ITPR3: variants seen among roughly 807,000 people sequenced by gnomAD.
ITPR3 encodes the protein inositol 1,4,5-trisphosphate-gated calcium channel ITPR3.
In ITPR3, 173 loss-of-function variants were observed where a neutral mutation model predicts 293.2. The observed-to-expected ratio is 0.59, with a 90% CI of 0.52 to 0.67. The LOEUF is 0.67. Ranked by LOEUF, ITPR3 falls within the 30% of genes least tolerant of loss-of-function variation. The pLI is 0.00. For synonymous variants in ITPR3, 1,295 were observed against 1,444.4 expected (o/e 0.90, Z 2.35); for missense variants, 2,796 against 3,592.1 (o/e 0.78, Z 5.66).
rs1042794444 is a variant in ITPR3, at chr6:33,688,493, A to G, written c.6568+62A>G. 2.0e-6 allele frequency: 3 copies of G among 1,499,478 alleles called. No individual in the cohort carries two copies. The African/African-American group carries it at 4.1e-5, about 21-fold the overall frequency. The allele number at this position is 1,499,478 out of a possible 1,614,324, so 92.9% of individuals were successfully genotyped here. ...AGCTGTTCACTGATGCCCTGTTATA[A>G]CGGCCTCCTTTGCCTGCCTGTGGGT... On this transcript the variant is annotated intron_variant, in intron 48 of 57. Transcript: ENST00000605930.
Position 33,672,146 on chromosome 6 carries a change from A to G in ITPR3, c.2846A>G (p.Glu949Gly), listed in dbSNP as rs1350715609. 6.2e-7 allele frequency: 1 copy of G among 1,613,928 alleles called. No homozygotes were observed. Among genetic ancestry groups the G allele is most frequent in the East Asian group, 2.2e-5 (1 of 44,872 alleles). ...CTGTCTGCTGGGGCCAGTGCTGCTG[A>G]GCCGCTGGACAGAAGCAAGTTTGAG... ...PSLSAGASAAEPLDRSKFEEN... is the reference protein window; with the variant it reads ...PSLSAGASAAGPLDRSKFEEN... Residue 949 changes from glutamate (E) to glycine (G), a missense_variant, in exon 22 of 58, where the codon GAG (glutamate) becomes GGG (glycine). By Grantham distance (98) the Glu-to-Gly change is moderately conservative (BLOSUM62 -2). Around this residue, in one of 8 missense-constraint regions of ITPR3, gnomAD observed 955 missense variants for 1,180.8 expected, o/e 0.81. Transcript: ENST00000605930. This position sits in a 1 kb window ranked among gnomAD's most constrained non-coding sequence, Gnocchi z 5.0.
intron 30 of ITPR3, 110 bp downstream of exon 30, chr6:33,678,949 A>G: frequency 9.1e-7 from 1 of 1,094,854 alleles, no homozygotes; most frequent in East Asian, 2.6e-5. Context: ...TCACAAAAGG[A>G]ACACTCAGCT....
chr6:33,692,027 A>C lies in ITPR3; in HGVS notation c.7458+99A>C. ...GTCCTTGGCCTCGCGTCAGATATTC[A>C]GGGTTGAACCCCCTCCCCCGAACTT... On this transcript the variant is annotated intron_variant, in intron 54 of 57. Coordinates refer to ENST00000605930, the MANE Select transcript of ITPR3 (RefSeq NM_002224.4). The surrounding 1 kb of genome is among the most constrained non-coding windows in gnomAD (Gnocchi z 4.2). The C allele has an allele frequency of 6.6e-7, 1 of 1,505,084 alleles. No individual in the cohort carries two copies. Among genetic ancestry groups the C allele is most frequent in the South Asian group, 1.1e-5 (1 of 87,520 alleles). The allele number at this position is 1,505,084 out of a possible 1,614,324, so 93.2% of individuals were successfully genotyped here.
At position 33,695,905 on chromosome 6, in the gene ITPR3, A is replaced by G; in HGVS notation, c.*125A>G. The stretch of plus-strand genomic sequence containing the variant: ...GGCCAGCCTCCACTCCCACTCTGCC[A>G]GACACCCTGACACCCACCCAGGCTT... On this transcript the variant is annotated 3_prime_UTR_variant, in exon 58 of 58. Coordinates refer to ENST00000605930, the MANE Select transcript of ITPR3 (RefSeq NM_002224.4). 1.2e-6 allele frequency: 1 copy of G among 844,926 alleles called. No homozygotes were observed. The highest frequency in any genetic ancestry group is 2.6e-5 in the East Asian group (1 of 38,296). 52.3% of individuals were successfully genotyped at this position (844,926 alleles called of 1,614,324 possible).
chr6:33,673,078 A>G (rs1224257825), intron 22 of ITPR3, among the ~76,000 whole-genome samples: 1 of 152,172 alleles, frequency 6.6e-6, no homozygotes, highest in Non-Finnish European at 1.5e-5. Flanking sequence ...CCAAAGGCTC[A>G]GTGCCCCATG....
At position 33,691,807 on chromosome 6, in the gene ITPR3, G is replaced by A. The variant is rs146607771; in HGVS notation, c.7337G>A (p.Arg2446Lys). Reference sequence around the variant, plus strand: ...GCACACTCTCCGCTTGCAGAGGACAGGGAGCTGGACAGCACAGAGCGGGCC... The same window carrying A: ...GCACACTCTCCGCTTGCAGAGGACAAGGAGCTGGACAGCACAGAGCGGGCC... ...LSVPEVLEED[R>K]ELDSTERACD... The change falls in exon 54 of 58, where the codon AGG (arginine) becomes AAG (lysine). Residue 2446 changes from arginine (R) to lysine (K), a missense_variant. Transcript: ENST00000605930. This position sits in a 1 kb window ranked among gnomAD's most constrained non-coding sequence, Gnocchi z 4.9. 82 of 1,614,138 alleles carry A rather than the reference G, an allele frequency of 5.1e-5. No homozygotes were observed. In the African/African-American group the frequency reaches 8.9e-4, roughly 18 times the overall value.
intron 1 of ITPR3, among the ~76,000 whole-genome samples, chr6:33,634,240 A>G (rs937906344): frequency 1.1e-4 from 16 of 151,772 alleles, no homozygotes; most frequent in Admixed American, 9.8e-4. Flanking sequence ...TTCTTTATCT[A>G]CACACACCAG....
In ITPR3 at chr6:33,679,212, G is replaced by C. The variant is rs932833234; in HGVS notation, c.3972+373G>C. On this transcript the variant is annotated intron_variant, in intron 30 of 57. Transcript: ENST00000605930. This position sits in a 1 kb window ranked among gnomAD's most constrained non-coding sequence, Gnocchi z 4.2. ...CATCAGCTGAGTGTCAGCTCCTGGG[G>C]GGCACGGGCAGGGACCCCATCCTTT... is the stretch of plus-strand genomic sequence containing the variant. 2.6e-5 allele frequency among the ~76,000 whole-genome samples: 4 copies of C among 152,180 alleles called. No homozygotes were observed. The highest frequency in any genetic ancestry group is 7.2e-5 in the African/African-American group (3 of 41,424).
At position 33,668,642 on chromosome 6, in the gene ITPR3, C is replaced by T. The variant is rs1232479050; in HGVS notation, c.2006+8C>T. 1 of 1,614,154 alleles carries T rather than the reference C, an allele frequency of 6.2e-7. No homozygotes were observed. Among genetic ancestry groups the T allele is most frequent in the South Asian group, 1.1e-5 (1 of 91,068 alleles). ...CATTCTCATCCGGACCGAGTGAGCC[C>T]TGTGCCCCCTGCCCGCACTTGGGCT... On this transcript the variant is annotated splice_region_variant and intron_variant, in intron 17 of 57. Coordinates refer to ENST00000605930, the MANE Select transcript of ITPR3 (RefSeq NM_002224.4).
chr6:33,664,675 G>T lies in ITPR3; in HGVS notation c.1149-195G>T, dbSNP rs1035276946. Among the ~76,000 whole-genome samples, 7 of 152,176 alleles carry T rather than the reference G, an allele frequency of 4.6e-5. No homozygotes were observed. Among genetic ancestry groups the T allele is most frequent in the Non-Finnish European group, 1.0e-4 (7 of 68,028 alleles). ...GCAGTGGTCAGGACGGGGCCTGGGC[G>T]CAGGGCTAGCTCTGGCTGTTCTTAT... On this transcript the variant is annotated intron_variant, in intron 11 of 57. Transcript: ENST00000605930. This position sits in a 1 kb window ranked among gnomAD's most constrained non-coding sequence, Gnocchi z 4.4.
At chr6:33,671,017 C>G in intron 20 of ITPR3, 148 bp from the exon 21 acceptor site, 1 of 1,401,018 alleles carries the variant, frequency 7.1e-7, no homozygotes, top group Non-Finnish European at 9.7e-7. Flanking sequence ...AAAGGGCTGC[C>G]TCTCCCTGCT....
In ITPR3 at chr6:33,687,443, C is replaced by T. The variant is rs762762665; in HGVS notation, c.6178-35C>T. ...CCCCAGCCACCATGTCCCCCAGCCA[C>T]CACACCCTGGTGACTGTGCTGCCAT... On this transcript the variant is annotated intron_variant, in intron 45 of 57. Coordinates refer to ENST00000605930, the MANE Select transcript of ITPR3 (RefSeq NM_002224.4). The surrounding 1 kb of genome is among the most constrained non-coding windows in gnomAD (Gnocchi z 5.3). 7.6e-6 allele frequency: 12 copies of T among 1,585,734 alleles called. No homozygotes were observed. The African/African-American group carries it at 1.3e-4, about 18-fold the overall frequency.
intron 2 of ITPR3, among the ~76,000 whole-genome samples, 178 bp downstream of exon 2, chr6:33,640,732 C>T (rs887731661): frequency 1.3e-5 from 2 of 152,236 alleles, no homozygotes; most frequent in East Asian, 3.8e-4. Flanking sequence ...CATCTTGGCA[C>T]AGACGTGCCA....
intron 18 of ITPR3, among the ~76,000 whole-genome samples, chr6:33,669,529 G>C (rs1033085158): frequency 6.6e-6 from 1 of 152,200 alleles, no homozygotes; most frequent in East Asian, 1.9e-4. Context: ...CCTGGGAGGC[G>C]GAAGTTGCAG....
At position 33,687,652 on chromosome 6, in the gene ITPR3, G is replaced by A. The variant is rs1765271540; in HGVS notation, c.6264+88G>A. On this transcript the variant is annotated intron_variant, in intron 46 of 57. Coordinates refer to ENST00000605930, the MANE Select transcript of ITPR3 (RefSeq NM_002224.4). The surrounding 1 kb of genome is among the most constrained non-coding windows in gnomAD (Gnocchi z 5.3). Reference sequence around the variant, plus strand: ...CCAAGGGCGTGGCCTGGAACAGAGTGAGGCCCTAGAATATGAGCCAGGCTA... The same window carrying A: ...CCAAGGGCGTGGCCTGGAACAGAGTAAGGCCCTAGAATATGAGCCAGGCTA... The A allele has an allele frequency of 1.1e-5, 12 of 1,059,480 alleles. No homozygotes were observed. Among genetic ancestry groups the A allele is most frequent in the Non-Finnish European group, 1.7e-5 (12 of 707,284 alleles). The allele number at this position is 1,059,480 out of a possible 1,614,324, so 65.6% of individuals were successfully genotyped here. A position where few individuals can be genotyped will look rare whatever the true frequency, so the allele number is the denominator to read the frequency against.
chr6:33,687,410 T>C lies in ITPR3; in HGVS notation c.6178-68T>C. 4.7e-6 allele frequency: 7 copies of C among 1,482,550 alleles called. No homozygotes were observed. The highest frequency in any genetic ancestry group is 6.5e-6 in the Non-Finnish European group (7 of 1,079,042). 91.8% of individuals were successfully genotyped at this position (1,482,550 alleles called of 1,614,324 possible). ...AGCTGCCATCATCCCCCAGTCGCCATTGTCGCCCCCCAGCCACCATGTCCC... is the reference window on the plus strand; with the variant it reads ...AGCTGCCATCATCCCCCAGTCGCCACTGTCGCCCCCCAGCCACCATGTCCC... On this transcript the variant is annotated intron_variant, in intron 45 of 57. Transcript: ENST00000605930. This position sits in a 1 kb window ranked among gnomAD's most constrained non-coding sequence, Gnocchi z 5.3.
At chr6:33,649,745 T>C (rs1764146309) in intron 2 of ITPR3, among the ~76,000 whole-genome samples, 1 of 152,210 alleles carries the variant, frequency 6.6e-6, no homozygotes, top group Non-Finnish European at 1.5e-5. Context: ...GGTGCTTGAT[T>C]GAGCAGCAGA....
In ITPR3 at chr6:33,663,755, A is replaced by G; in HGVS notation, c.1023A>G (p.Thr341=). Residue 341 remains threonine (T), a synonymous_variant, in exon 11 of 58, where the codon ACA becomes ACG. Coordinates refer to ENST00000605930, the MANE Select transcript of ITPR3 (RefSeq NM_002224.4). ...TCATCCAGGGGGCACAGGGCCGCACAGGCCGCAGGAATGCTGGGGAGAAGA... is the reference window on the plus strand; with the variant it reads ...TCATCCAGGGGGCACAGGGCCGCACGGGCCGCAGGAATGCTGGGGAGAAGA... ...KAAGMGAQGR[T]GRRNAGEKIK... The G allele has an allele frequency of 1.2e-6, 2 of 1,614,028 alleles. No individual in the cohort carries two copies. The highest frequency in any genetic ancestry group is 1.7e-6 in the Non-Finnish European group (2 of 1,180,006).
intron 48 of ITPR3, 28 bp downstream of exon 48, chr6:33,688,459 G>GCCC: frequency 6.8e-6 from 3 of 440,058 alleles, no homozygotes; most frequent in Non-Finnish European, 1.3e-5. Context: ...GGAGGGTGGG[G>GCCC]CGGTCTGGAG....
Sources: gnomAD v4.1 joint callset for allele counts (sites outside exome capture counted in the v4.1 genomes callset) on GRCh38, gnomAD v4.1.1 for gene constraint, gnomAD v4.1.1 regional missense constraint, Gnocchi (gnomAD v3.1) non-coding constraint, MANE v1.5 for transcripts, NCBI Gene and HGNC (gene_info 2026-07-23, HGNC 2026-07-21) for gene names.